The following ROBO2 variants were observed in gnomAD, a reference collection of about 807,000 sequenced individuals.
ROBO2 encodes the protein roundabout homolog 2.
ROBO2 carries 53 observed loss-of-function variants against 160.8 expected under a neutral mutation model. That is an observed-to-expected ratio of 0.33 (90% confidence interval 0.26 to 0.41). ROBO2 has a LOEUF of 0.41. Among genes scored for constraint, ROBO2 ranks in the 10% least tolerant of loss-of-function variants. The pLI is 1.00. For synonymous variants in ROBO2, 664 were observed against 611.7 expected (o/e 1.09, Z -1.26); for missense variants, 1,577 against 1,722.4 (o/e 0.92, Z 1.49).
chr3:77,147,692 A>G (rs1387220567), intron 2 of ROBO2, among the ~76,000 whole-genome samples: 2 of 152,230 alleles, frequency 1.3e-5, no homozygotes, highest in Non-Finnish European at 2.9e-5. Context: ...GAATTTTATT[A>G]TAATATTACT....
rs548628499 is a variant in ROBO2, at chr3:75,960,996, T to C, written c.109+23394T>C. ...AATAATGGAGACATAGTAGACAAGA[T>C]TTTGTTAATTTGAGGTGTTTTAACT... is the stretch of plus-strand genomic sequence containing the variant. On this transcript the variant is annotated intron_variant, in intron 2 of 26. Transcript: ENST00000487694. 2.0e-5 allele frequency among the ~76,000 whole-genome samples: 3 copies of C among 151,804 alleles called. No homozygotes were observed. In the East Asian group the frequency reaches 5.9e-4, roughly 30 times the overall value.
At chr3:76,027,144 T>A (rs2066773399) in intron 2 of ROBO2, among the ~76,000 whole-genome samples, 1 of 152,030 alleles carries the variant, frequency 6.6e-6, no homozygotes, top group African/African-American at 2.4e-5. Flanking sequence ...TACCCTTTTG[T>A]TGACTGTAAA....
chr3:77,200,296 TATATATATATATATATATATA>T (rs1579913732), intron 2 of ROBO2, among the ~76,000 whole-genome samples: 2 of 77,098 alleles, frequency 2.6e-5, no homozygotes, highest in African/African-American at 5.7e-5. Flanking sequence ...TATATATATA[TATATATATATATATATATATA>T]TATATTTTAG....
intron 2 of ROBO2, among the ~76,000 whole-genome samples, chr3:76,124,803 A>G (rs888434792): frequency 1.3e-5 from 2 of 152,152 alleles, no homozygotes; most frequent in African/African-American, 4.8e-5. Context: ...AACTATTTGT[A>G]ATAAAATTTA....
At chr3:76,492,227 A>G (rs2079869663) in intron 2 of ROBO2, among the ~76,000 whole-genome samples, 1 of 152,202 alleles carries the variant, frequency 6.6e-6, no homozygotes, top group Admixed American at 6.5e-5. Flanking sequence ...TTTGGGCTGT[A>G]TTAGGCTTTT....
intron 20 of ROBO2, among the ~76,000 whole-genome samples, chr3:77,606,181 A>G (rs991760023): frequency 6.6e-6 from 1 of 151,682 alleles, no homozygotes; most frequent in African/African-American, 2.4e-5. Context: ...TTAGAAATCA[A>G]GAGGAGCTGG....
At chr3:77,253,991 G>A (rs534836938) in intron 2 of ROBO2, among the ~76,000 whole-genome samples, 1 of 152,306 alleles carries the variant, frequency 6.6e-6, no homozygotes, top group African/African-American at 2.4e-5. Context: ...ACTGTAAGGA[G>A]ACTTTGGCAA....
intron 2 of ROBO2, among the ~76,000 whole-genome samples, chr3:76,840,394 G>A (rs1226239617): frequency 1.3e-5 from 2 of 151,410 alleles, no homozygotes; most frequent in Admixed American, 6.6e-5. Flanking sequence ...CGGATCACGA[G>A]GTCAGGAGAT....
At chr3:76,885,453 C>T (rs536548910) in intron 2 of ROBO2, among the ~76,000 whole-genome samples, 2 of 151,918 alleles carry the variant, frequency 1.3e-5, no homozygotes, top group South Asian at 2.1e-4. Flanking sequence ...AATATCAAGC[C>T]GTACAAAAAT....
At chr3:76,325,122 A>T (rs1011226434) in intron 2 of ROBO2, among the ~76,000 whole-genome samples, 3 of 152,194 alleles carry the variant, frequency 2.0e-5, no homozygotes, top group Non-Finnish European at 4.4e-5. Flanking sequence ...AAACAAACAA[A>T]CAAAACAGAT....
chr3:77,405,052 A>G (rs1438447447), intron 2 of ROBO2, among the ~76,000 whole-genome samples: 1 of 152,168 alleles, frequency 6.6e-6, no homozygotes, highest in Non-Finnish European at 1.5e-5. Context: ...CCACGAGACT[A>G]TGAGTTTCTT....
rs992166703 is a variant in ROBO2 at position 76,880,341 on chromosome 3, G to T, written c.110-217673G>T. ...CGGATAAAATTTTGAAATAAGAAAT[G>T]CATATACATACATATAAAATAAAGA... On this transcript the variant is annotated intron_variant, in intron 2 of 26. Transcript: ENST00000487694. Among the ~76,000 whole-genome samples the T allele has an allele frequency of 3.3e-5, 5 of 152,032 alleles. No homozygotes were observed. The East Asian group carries it at 9.7e-4, about 29-fold the overall frequency.
intron 2 of ROBO2, among the ~76,000 whole-genome samples, chr3:76,790,348 G>A (rs1346905266): frequency 1.3e-5 from 2 of 151,634 alleles, no homozygotes; most frequent in African/African-American, 4.8e-5. Context: ...TGAAGGAGTT[G>A]CAGAGTACGT....
chr3:76,805,818 A>G (rs902702555), intron 2 of ROBO2, among the ~76,000 whole-genome samples: 1 of 151,954 alleles, frequency 6.6e-6, no homozygotes, highest in Admixed American at 6.6e-5. Context: ...AGCTCCAAAC[A>G]TAGCCATTGG....
chr3:77,524,150 T>C (rs1353009228), intron 6 of ROBO2, among the ~76,000 whole-genome samples: 1 of 151,350 alleles, frequency 6.6e-6, no homozygotes, highest in Non-Finnish European at 1.5e-5. Flanking sequence ...ATCCATTTTT[T>C]CTTCTGTAGA....
rs1251159358 is a variant in ROBO2, at chr3:76,661,892, AC to A, written c.110-436121del. Among the ~76,000 whole-genome samples, 3 of 152,194 alleles carry A rather than the reference AC, an allele frequency of 2.0e-5. No individual in the cohort carries two copies. The East Asian group carries it at 5.8e-4, about 29-fold the overall frequency. On this transcript the variant is annotated intron_variant, in intron 2 of 26. Coordinates refer to the ROBO2 transcript ENST00000487694. ...GACAGCTTTGCAGGGTCATTTAAAA[AC>A]ATATCAAAAAATATATTTTGGTATC...
chr3:75,979,266 G>T (rs1249751506), intron 2 of ROBO2, among the ~76,000 whole-genome samples: 1 of 151,542 alleles, frequency 6.6e-6, no homozygotes, highest in East Asian at 1.9e-4. Context: ...GAGGGATAAA[G>T]GGATGAATGA....
At chr3:77,508,615 A>G (rs1239013178) in intron 5 of ROBO2, among the ~76,000 whole-genome samples, 1 of 151,788 alleles carries the variant, frequency 6.6e-6, no homozygotes, top group Non-Finnish European at 1.5e-5. Context: ...CACTATCTGC[A>G]GCTATTCATA....
At chr3:76,389,404 G>A (rs766630387) in intron 2 of ROBO2, among the ~76,000 whole-genome samples, 19 of 152,132 alleles carry the variant, frequency 1.2e-4, no homozygotes, top group Non-Finnish European at 2.6e-4. Context: ...GTGTCAAGGT[G>A]GAACTCTGAA....
Sources: gnomAD v4.1 joint callset for allele counts (sites outside exome capture counted in the v4.1 genomes callset) on GRCh38, gnomAD v4.1.1 for gene constraint, MANE v1.5 for transcripts, NCBI Gene and HGNC (gene_info 2026-07-23, HGNC 2026-07-21) for gene names.